RPS6KA2: variants seen among roughly 807,000 people sequenced by gnomAD.
The protein encoded by RPS6KA2 is ribosomal protein S6 kinase A2, also known as ribosomal protein S6 kinase alpha-2.
In RPS6KA2, 42 loss-of-function variants were observed where a neutral mutation model predicts 91.8. The ratio of observed to expected loss-of-function variants is 0.46; its 90% CI spans 0.36 to 0.59. The LOEUF (loss-of-function observed/expected upper bound fraction) is 0.59. Ranked by LOEUF, RPS6KA2 falls within the 20% of genes least tolerant of loss-of-function variation. The probability of loss-of-function intolerance (pLI) is 0.00; values close to 1 mark genes in which losing one functional copy is unlikely to be tolerated. For missense variants in RPS6KA2, 798 were observed against 978.5 expected (o/e 0.82, Z 2.46); for synonymous variants, 414 against 393.6 (o/e 1.05, Z -0.61).
rs185291580 is a variant in RPS6KA2, at chr6:166,478,052, G to A, written c.908-8147C>T. ...CACTTCTCCTTTCTGACTCCAATTC[G>A]CATTTCCAGGGGGAGGCCAAGCAGG... On this transcript the variant is annotated intron_variant, in intron 10 of 20. Transcript: ENST00000265678. Among the ~76,000 whole-genome samples the A allele has an allele frequency of 1.4e-4, 21 of 152,248 alleles. 1 individual carries two copies. The highest frequency in any genetic ancestry group is 1.9e-4 in the African/African-American group (8 of 41,532).
At chr6:166,792,518 T>C (rs548285027) in intron 2 of RPS6KA2, among the ~76,000 whole-genome samples, 2 of 151,948 alleles carry the variant, frequency 1.3e-5, no homozygotes, top group East Asian at 1.9e-4. Flanking sequence ...GCCAGCATCA[T>C]AGTGATACCA....
At chr6:166,791,448 C>G (rs1779086389) in intron 2 of RPS6KA2, among the ~76,000 whole-genome samples, 1 of 152,202 alleles carries the variant, frequency 6.6e-6, no homozygotes, top group South Asian at 2.1e-4. Flanking sequence ...TAACATTAGA[C>G]AAGTCAACGA....
intron 2 of RPS6KA2, among the ~76,000 whole-genome samples, chr6:166,855,501 GGAA>G (rs71032880): frequency 2.1e-5 from 3 of 139,774 alleles, no homozygotes; most frequent in African/African-American, 5.0e-5. Flanking sequence ...AAGAAGAAGA[GGAA>G]GAAGAAGAAG....
At chr6:166,432,679 G>A (rs1249828191) in intron 14 of RPS6KA2, among the ~76,000 whole-genome samples, 189 bp from the exon 15 acceptor site, 2 of 152,134 alleles carry the variant, frequency 1.3e-5, no homozygotes, top group African/African-American at 2.4e-5. Context: ...GACAACTAGT[G>A]TAAGATTTAC....
At chr6:166,725,199 T>C (rs1400119228) in intron 2 of RPS6KA2, among the ~76,000 whole-genome samples, 1 of 152,250 alleles carries the variant, frequency 6.6e-6, no homozygotes, top group Admixed American at 6.5e-5. Flanking sequence ...CTTTTATTTT[T>C]TTTAAAGAAA....
At chr6:166,506,773 A>C (rs551543849) in intron 5 of RPS6KA2, among the ~76,000 whole-genome samples, 3 of 152,110 alleles carry the variant, frequency 2.0e-5, no homozygotes, top group Non-Finnish European at 4.4e-5. Context: ...TCCTGCTGAA[A>C]AGGGGGAAGG....
intron 1 of RPS6KA2, among the ~76,000 whole-genome samples, chr6:166,597,579 T>C (rs1448574726): frequency 6.6e-6 from 1 of 152,070 alleles, no homozygotes; most frequent in Non-Finnish European, 1.5e-5. Context: ...ATTTAACACA[T>C]AAAGAAAACG....
intron 12 of RPS6KA2, among the ~76,000 whole-genome samples, chr6:166,451,606 A>G (rs1779920201): frequency 6.6e-6 from 1 of 152,162 alleles, no homozygotes; most frequent in South Asian, 2.1e-4. Context: ...GAAGGCACCA[A>G]TGACCTCAGG....
chr6:166,702,588 C>T, intron 2 of RPS6KA2: 1 of 1,502,408 alleles, frequency 6.7e-7, no homozygotes, highest in South Asian at 1.1e-5. Context: ...TATTTCGTAT[C>T]TGAAGTTTCC....
chr6:166,643,245 T>C (rs1483896267), intron 2 of RPS6KA2, among the ~76,000 whole-genome samples: 3 of 152,072 alleles, frequency 2.0e-5, no homozygotes, highest in East Asian at 3.8e-4. Context: ...AATCAAAATA[T>C]GTAAAAAAAT....
At chr6:166,843,756 A>C (rs980708429) in intron 2 of RPS6KA2, among the ~76,000 whole-genome samples, 1 of 152,172 alleles carries the variant, frequency 6.6e-6, no homozygotes, top group Non-Finnish European at 1.5e-5. Flanking sequence ...CATGGAACAA[A>C]AGAATCTGAA....
chr6:166,675,941 G>T (rs1788606844), intron 2 of RPS6KA2, among the ~76,000 whole-genome samples: 1 of 152,118 alleles, frequency 6.6e-6, no homozygotes. Flanking sequence ...CTCTGGGCAG[G>T]TAAGGAAGCT....
chr6:166,805,493 A>G (rs1388707303), intron 2 of RPS6KA2, among the ~76,000 whole-genome samples: 1 of 152,200 alleles, frequency 6.6e-6, no homozygotes, highest in Non-Finnish European at 1.5e-5. Context: ...GCATATTAAG[A>G]AGCAACTGCA....
intron 2 of RPS6KA2, among the ~76,000 whole-genome samples, chr6:166,795,129 A>T (rs1779191499): frequency 6.6e-6 from 1 of 152,158 alleles, no homozygotes; most frequent in Admixed American, 6.5e-5. Context: ...TTCCTTTTAA[A>T]TTCAGGGAAA....
chr6:166,799,928 C>T lies in RPS6KA2; in HGVS notation c.123+58272G>A, dbSNP rs1262952539. Reference sequence around the variant, plus strand: ...CCCTCTCCCACCCTTCTGCCAAGTCCCCAGTAACAGGTCATGGCTGCGATC... The same window carrying T: ...CCCTCTCCCACCCTTCTGCCAAGTCTCCAGTAACAGGTCATGGCTGCGATC... On this transcript the variant is annotated intron_variant, in intron 2 of 21. Coordinates refer to the RPS6KA2 transcript ENST00000503859. 2.6e-5 allele frequency among the ~76,000 whole-genome samples: 4 copies of T among 152,164 alleles called. No individual in the cohort carries two copies. The East Asian group carries it at 7.7e-4, about 29-fold the overall frequency.
chr6:166,505,194 G>T (rs1272097169), intron 5 of RPS6KA2, among the ~76,000 whole-genome samples: 4 of 152,092 alleles, frequency 2.6e-5, no homozygotes, highest in African/African-American at 9.7e-5. Context: ...AAGCTGAGGG[G>T]GCGGGATGGG....
Position 166,572,681 on chromosome 6 carries a change from C to A in RPS6KA2, c.100-33897G>T, listed in dbSNP as rs148823170. On this transcript the variant is annotated intron_variant, in intron 1 of 20. Coordinates refer to ENST00000265678, the MANE Select transcript of RPS6KA2 (RefSeq NM_021135.6). ...GGATAGGGGACCAGGGTGGCTGAAC[C>A]TGGACCAGCAAGGCCCCCTTTCCTC... is the stretch of plus-strand genomic sequence containing the variant. Among the ~76,000 whole-genome samples the A allele has an allele frequency of 5.9e-5, 9 of 152,364 alleles. No individual in the cohort carries two copies. The East Asian group carries it at 1.7e-3, about 29-fold the overall frequency.
upstream of RPS6KA2, among the ~76,000 whole-genome samples, chr6:166,629,520 T>C (rs1376471579): frequency 6.6e-6 from 1 of 152,262 alleles, no homozygotes; most frequent in East Asian, 1.9e-4. Flanking sequence ...AAAATACACG[T>C]ATACCAAAAT....
chr6:166,854,615 A>C (rs965007670), intron 2 of RPS6KA2, among the ~76,000 whole-genome samples: 1 of 152,228 alleles, frequency 6.6e-6, no homozygotes, highest in Non-Finnish European at 1.5e-5. Context: ...ACTTTTTATC[A>C]TATATGTTCA....
Sources: allele counts gnomAD v4.1 joint callset (sites outside exome capture counted in the v4.1 genomes callset), GRCh38; gene constraint gnomAD v4.1.1; transcripts MANE v1.5; gene names NCBI Gene and HGNC (gene_info 2026-07-23, HGNC 2026-07-21).